Variants in NDUFV3 observed in about 807,000 individuals in gnomAD.
NDUFV3 encodes the protein NADH dehydrogenase [ubiquinone] flavoprotein 3, mitochondrial.
NDUFV3 carries 44 observed loss-of-function variants against 37.5 expected under a neutral mutation model. The observed-to-expected ratio is 1.17, with a 90% confidence interval of 0.92 to 1.51. NDUFV3 has a LOEUF of 1.51. NDUFV3 is among the 40% of genes most tolerant of loss of function. The pLI is 0.00. For missense variants in NDUFV3, 580 were observed against 580.4 expected, an observed-to-expected ratio of 1.00 and a Z score of 0.01; for synonymous variants, 235 against 239.3, an observed-to-expected ratio of 0.98 and a Z score of 0.17.
Position 42,912,235 on chromosome 21 carries a change from C to T in NDUFV3, c.*3214C>T, listed in dbSNP as rs985406222. ...AGCCTGGGCAACAACAGCAAAACTCCGTCTCAAAAAAATAAAGTTCTTCCC... is the reference window on the plus strand; with the variant it reads ...AGCCTGGGCAACAACAGCAAAACTCTGTCTCAAAAAAATAAAGTTCTTCCC... On this transcript the variant is annotated 3_prime_UTR_variant, in exon 4 of 4. Coordinates refer to ENST00000354250, the MANE Select transcript of NDUFV3 (RefSeq NM_021075.4). 2 of 152,204 alleles carry T rather than the reference C, an allele frequency of 1.3e-5. No homozygotes were observed. Among genetic ancestry groups the T allele is most frequent in the African/African-American group, 4.8e-5 (2 of 41,526 alleles). 9.4% of individuals were successfully genotyped at this position (152,204 alleles called of 1,614,324 possible). A position where few individuals can be genotyped will look rare whatever the true frequency, so the allele number is the denominator to read the frequency against.
In NDUFV3 at chr21:42,904,179, C is replaced by T. The variant is rs374566643; in HGVS notation, c.1167C>T (p.His389=). ...NLETVPVENN[H]GFHEKTAALK... ...AGACAGTTCCTGTTGAGAATAACCA[C>T]GGTTTCCATGAAAAGACAGCAGCGC... Residue 389 remains histidine (H), a synonymous_variant, in exon 3 of 4, where the codon CAC becomes CAT. Coordinates refer to ENST00000354250, the MANE Select transcript of NDUFV3 (RefSeq NM_021075.4). The T allele has an allele frequency of 1.1e-4, 181 of 1,614,192 alleles. No homozygotes were observed. The highest frequency in any genetic ancestry group is 5.0e-4 in the Admixed American group (30 of 60,016).
At chr21:42,898,751 G>A (rs964056569) in intron 2 of NDUFV3, among the ~76,000 whole-genome samples, 3 of 152,174 alleles carry the variant, frequency 2.0e-5, no homozygotes, top group African/African-American at 7.2e-5. Flanking sequence ...GATTACAGGT[G>A]TGAGCCACTG....
intron 2 of NDUFV3, 93 bp downstream of exon 2, chr21:42,897,140 A>G (rs963626740): frequency 1.4e-6 from 2 of 1,418,228 alleles, no homozygotes; most frequent in Admixed American, 1.9e-5. Flanking sequence ...TTTACTAGCT[A>G]CGTAATTTAT....
At position 42,893,427 on chromosome 21, in the gene NDUFV3, C is replaced by T. The variant is rs2058666582; in HGVS notation, c.48+46C>T. ...GGCTGGCTGCGCGGCCCCGAGCCTA[C>T]GTAGGGGATGGGGTGAGGGGGCGCG... On this transcript the variant is annotated intron_variant, in intron 1 of 3. Coordinates refer to ENST00000354250, the MANE Select transcript of NDUFV3 (RefSeq NM_021075.4). The T allele has an allele frequency of 7.2e-6, 11 of 1,531,720 alleles. 1 individual carries two copies. The African/African-American group carries it at 8.2e-5, about 11-fold the overall frequency. The allele number at this position is 1,531,720 out of a possible 1,614,324, so 94.9% of individuals were successfully genotyped here.
chr21:42,895,996 T>TG (rs2058689080), intron 1 of NDUFV3, among the ~76,000 whole-genome samples: 1 of 149,028 alleles, frequency 6.7e-6, no homozygotes, highest in Admixed American at 6.6e-5. Context: ...TTTTTTTTTT[T>TG]TTTTCCTGAG....
chr21:42,912,193 T>C lies in NDUFV3; in HGVS notation c.*3172T>C, dbSNP rs1169757820. 1.3e-5 allele frequency: 2 copies of C among 152,062 alleles called. No individual in the cohort carries two copies. Among genetic ancestry groups the C allele is most frequent in the African/African-American group, 2.4e-5 (1 of 41,378 alleles). The allele number at this position is 152,062 out of a possible 1,614,324, so 9.4% of individuals were successfully genotyped here. ...AGGCAGAGGCTGCAGTGAGTGGAGA[T>C]TGCAGCATCGCACTACAGCCTGGGC... On this transcript the variant is annotated 3_prime_UTR_variant, in exon 4 of 4. Transcript: ENST00000354250.
chr21:42,895,873 A>G (rs2058688179), intron 1 of NDUFV3, among the ~76,000 whole-genome samples: 1 of 152,078 alleles, frequency 6.6e-6, no homozygotes. Context: ...AACTGTAATA[A>G]CCATTAGAAG....
intron 3 of NDUFV3, among the ~76,000 whole-genome samples, chr21:42,905,630 C>T (rs1420306690): frequency 1.3e-5 from 2 of 152,104 alleles, no homozygotes; most frequent in Non-Finnish European, 2.9e-5. Flanking sequence ...ATTCTCCAGC[C>T]TCAGCCTCCA....
chr21:42,908,152 C>T (rs1439879429), intron 3 of NDUFV3, among the ~76,000 whole-genome samples: 2 of 150,660 alleles, frequency 1.3e-5, no homozygotes, highest in African/African-American at 4.8e-5. Context: ...ACTAAAAATA[C>T]AAAAATTAGC....
Position 42,893,321 on chromosome 21 carries a change from CGCT to C in NDUFV3, c.-11_-9del, listed in dbSNP as rs1569346321. 1.3e-6 allele frequency: 2 copies of C among 1,537,700 alleles called. No individual in the cohort carries two copies. Among genetic ancestry groups the C allele is most frequent in the African/African-American group, 2.7e-5 (2 of 73,058 alleles). Reference sequence around the variant, plus strand: ...CTGCTGTGGCCCTGCTTGGTGCGCCCGCTGTCACCGCCATGGCTGCCCCGTGTT... The same window carrying C: ...CTGCTGTGGCCCTGCTTGGTGCGCCCGTCACCGCCATGGCTGCCCCGTGTT... On this transcript the variant is annotated 5_prime_UTR_variant, in exon 1 of 4. Coordinates refer to ENST00000354250, the MANE Select transcript of NDUFV3 (RefSeq NM_021075.4).
chr21:42,900,705 G>C (rs1192156047), intron 2 of NDUFV3, among the ~76,000 whole-genome samples: 1 of 152,166 alleles, frequency 6.6e-6, no homozygotes, highest in Admixed American at 6.6e-5. Flanking sequence ...GAAGTTTCCT[G>C]CATGCAAGTG....
At position 42,910,378 on chromosome 21, in the gene NDUFV3, T is replaced by C. The variant is rs558336762; in HGVS notation, c.*1357T>C. The C allele has an allele frequency of 6.6e-6, 1 of 152,414 alleles. No homozygotes were observed. Among genetic ancestry groups the C allele is most frequent in the East Asian group, 1.9e-4 (1 of 5,184 alleles). 9.4% of individuals were successfully genotyped at this position (152,414 alleles called of 1,614,324 possible). On this transcript the variant is annotated 3_prime_UTR_variant, in exon 4 of 4. Transcript: ENST00000354250. The stretch of plus-strand genomic sequence containing the variant: ...TAACTACTGCATTGCAAACAAATTG[T>C]ATTGCAGTATTTTACCATCAGAAAA...
chr21:42,907,265 G>T (rs1166158324), intron 3 of NDUFV3, among the ~76,000 whole-genome samples: 2 of 152,070 alleles, frequency 1.3e-5, no homozygotes, highest in Non-Finnish European at 2.9e-5. Context: ...GATTCAGAAG[G>T]CTCCTTTAGT....
intron 3 of NDUFV3, chr21:42,906,776 A>T: frequency 2.1e-6 from 1 of 478,242 alleles, no homozygotes; most frequent in African/African-American, 2.0e-5. Flanking sequence ...GAGTTTTGTA[A>T]CCCACGTCTT....
At position 42,904,796 on chromosome 21, in the gene NDUFV3, C is replaced by CT. The variant is rs58460040; in HGVS notation, c.1264+533dup. Among the ~76,000 whole-genome samples, 180 of 141,846 alleles carry CT rather than the reference C, an allele frequency of 1.3e-3. 1 individual carries two copies. The highest frequency in any genetic ancestry group is 7.7e-3 in the Middle Eastern group (2 of 260). The allele number at this position is 141,846 out of a possible 152,430, so 93.1% of individuals were successfully genotyped here. A position where few individuals can be genotyped will look rare whatever the true frequency, so the allele number is the denominator to read the frequency against. ...CAACCCCACCCTGCTTAACCTTCAT[C>CT]TTTTTTTTTTTTTGAGACAGAGTCT... On this transcript the variant is annotated intron_variant, in intron 3 of 3. Coordinates refer to ENST00000354250, the MANE Select transcript of NDUFV3 (RefSeq NM_021075.4).
At chr21:42,907,884 C>T (rs563357674) in intron 3 of NDUFV3, among the ~76,000 whole-genome samples, 3 of 151,978 alleles carry the variant, frequency 2.0e-5, no homozygotes, top group East Asian at 3.9e-4. Flanking sequence ...AGCCACCATG[C>T]CCAGCCCAGA....
At chr21:42,908,761 G>A in intron 3 of NDUFV3, 103 bp from the exon 4 acceptor site, 1 of 1,353,830 alleles carries the variant, frequency 7.4e-7, no homozygotes, top group South Asian at 1.2e-5. Flanking sequence ...CACAGATAGG[G>A]ATGATGAAGA....
Position 42,903,390 on chromosome 21 carries a change from GA to G in NDUFV3, c.381del (p.Val128PhefsTer21). The G allele has an allele frequency of 6.2e-7, 1 of 1,614,232 alleles. No individual in the cohort carries two copies. The highest frequency in any genetic ancestry group is 1.3e-5 in the African/African-American group (1 of 75,058). On this transcript the variant is annotated frameshift_variant, in exon 3 of 4. Coordinates refer to ENST00000354250, the MANE Select transcript of NDUFV3 (RefSeq NM_021075.4). LOFTEE classifies it high-confidence loss of function. ...SRKTLVEFPQ[K>X]VLSPFRKQGS... is the part of the protein sequence containing the mutation. The stretch of plus-strand genomic sequence containing the variant: ...GAAAGACTTTGGTAGAGTTTCCACA[GA>G]AAGTTCTGTCTCCATTCAGAAAACA...
chr21:42,897,368 A>AT (rs2058697084), intron 2 of NDUFV3, among the ~76,000 whole-genome samples: 1 of 152,200 alleles, frequency 6.6e-6, no homozygotes, highest in Non-Finnish European at 1.5e-5. Flanking sequence ...TGAGCTTGCC[A>AT]GAAAGCCACC....
Sources: gnomAD v4.1 joint callset for allele counts (sites outside exome capture counted in the v4.1 genomes callset) on GRCh38, gnomAD v4.1.1 for gene constraint, MANE v1.5 for transcripts, NCBI Gene and HGNC (gene_info 2026-07-23, HGNC 2026-07-21) for gene names.